The following CAMK1D variants were observed in gnomAD, a reference collection of about 807,000 sequenced individuals.
CAMK1D encodes calcium/calmodulin dependent protein kinase ID, also known as calcium/calmodulin-dependent protein kinase type 1D.
In CAMK1D, 9 loss-of-function variants were observed where a neutral mutation model predicts 47.7. The observed-to-expected ratio is 0.19, with a 90% CI of 0.11 to 0.33. The LOEUF is 0.33. Among genes scored for constraint, CAMK1D ranks in the 10% least tolerant of loss-of-function variants. The pLI is 1.00. For missense variants in CAMK1D, 291 were observed against 488.7 expected, an observed-to-expected ratio of 0.60 and a Z score of 3.81; for synonymous variants, 184 against 184.9, an observed-to-expected ratio of 0.99 and a Z score of 0.04.
chr10:12,591,753 G>C (rs549664237), intron 2 of CAMK1D, among the ~76,000 whole-genome samples: 2 of 152,322 alleles, frequency 1.3e-5, no homozygotes, highest in South Asian at 4.1e-4. Flanking sequence ...GAGTGCAATG[G>C]CGCGATCTCG....
At position 12,623,071 on chromosome 10, in the gene CAMK1D, C is replaced by CCCTT. The variant is rs1236617001; in HGVS notation, c.225-43653_225-43650dup. Among the ~76,000 whole-genome samples the CCCTT allele has an allele frequency of 1.9e-3, 195 of 105,066 alleles. 2 individuals are homozygous for CCCTT. The East Asian group carries it at 0.025, about 14-fold the overall frequency. 68.9% of individuals were successfully genotyped at this position (105,066 alleles called of 152,430 possible). On this transcript the variant is annotated intron_variant, in intron 2 of 10. Transcript: ENST00000619168. ...TCCCTCCCTCCCTCCCTCCCTTCCT[C>CCCTT]CCTTCCTTCCTTCCTCCCTCCCTTC...
At chr10:12,772,414 G>T (rs1015164911) in intron 5 of CAMK1D, among the ~76,000 whole-genome samples, 1 of 152,192 alleles carries the variant, frequency 6.6e-6, no homozygotes, top group Non-Finnish European at 1.5e-5. Context: ...TTCCCTTCAG[G>T]AAGTTGACCC....
chr10:12,644,089 C>T (rs570862299), intron 2 of CAMK1D, among the ~76,000 whole-genome samples: 25 of 152,108 alleles, frequency 1.6e-4, no homozygotes, highest in Middle Eastern at 3.4e-3. Context: ...GAAATCATCC[C>T]GAAACCATCT....
At chr10:12,430,675 G>A (rs1474870978) in intron 1 of CAMK1D, among the ~76,000 whole-genome samples, 1 of 152,136 alleles carries the variant, frequency 6.6e-6, no homozygotes, top group Non-Finnish European at 1.5e-5. Context: ...GCCGAGTATT[G>A]GATATGTCTC....
intron 1 of CAMK1D, among the ~76,000 whole-genome samples, chr10:12,549,454 A>G (rs1030084397): frequency 1.1e-4 from 17 of 152,292 alleles, no homozygotes; most frequent in South Asian, 4.1e-4. Flanking sequence ...TTGTCCCCCA[A>G]TGGATGCAAG....
At chr10:12,417,652 A>G (rs545832875) in intron 1 of CAMK1D, among the ~76,000 whole-genome samples, 3 of 152,252 alleles carry the variant, frequency 2.0e-5, no homozygotes, top group African/African-American at 7.2e-5. Context: ...TCCTTCAGAA[A>G]TGAGGGCTGG....
At chr10:12,660,692 T>C (rs969249579) in intron 2 of CAMK1D, among the ~76,000 whole-genome samples, 12 of 152,236 alleles carry the variant, frequency 7.9e-5, no homozygotes, top group African/African-American at 2.9e-4. Context: ...ATAAACCATT[T>C]TCTCTCTGTA....
At chr10:12,792,821 G>A (rs1192857100) in intron 6 of CAMK1D, among the ~76,000 whole-genome samples, 1 of 152,170 alleles carries the variant, frequency 6.6e-6, no homozygotes, top group Non-Finnish European at 1.5e-5. Context: ...CTAACATATT[G>A]CACTTACAGA....
At chr10:12,675,867 A>T (rs1342872257) in intron 3 of CAMK1D, among the ~76,000 whole-genome samples, 1 of 152,100 alleles carries the variant, frequency 6.6e-6, no homozygotes, top group Non-Finnish European at 1.5e-5. Context: ...TTCCTCAAAC[A>T]TACCAGGCCA....
chr10:12,675,695 C>T (rs191771819), intron 3 of CAMK1D, among the ~76,000 whole-genome samples: 16 of 152,294 alleles, frequency 1.1e-4, no homozygotes, highest in Admixed American at 2.6e-4. Context: ...GATCTTATCA[C>T]GCCTTTGTTG....
intron 3 of CAMK1D, among the ~76,000 whole-genome samples, chr10:12,716,563 C>A (rs767479225): frequency 2.6e-5 from 4 of 152,006 alleles, no homozygotes; most frequent in Admixed American, 1.3e-4. Context: ...AAGTATGTGC[C>A]GTGTCATGAG....
At chr10:12,355,915 G>C (rs1027136973) in intron 1 of CAMK1D, among the ~76,000 whole-genome samples, 3 of 152,184 alleles carry the variant, frequency 2.0e-5, no homozygotes, top group African/African-American at 7.2e-5. Context: ...CAGGAACCAA[G>C]AGCCAAAGGG....
intron 1 of CAMK1D, among the ~76,000 whole-genome samples, chr10:12,432,929 C>T (rs1248245048): frequency 6.6e-6 from 1 of 152,218 alleles, no homozygotes; most frequent in Non-Finnish European, 1.5e-5. Flanking sequence ...TTGGGAGAGT[C>T]ATGTACAAGG....
chr10:12,418,478 T>C (rs994703210), intron 1 of CAMK1D, among the ~76,000 whole-genome samples: 2 of 152,120 alleles, frequency 1.3e-5, no homozygotes, highest in Non-Finnish European at 2.9e-5. Context: ...CACCGTGGCA[T>C]ATGCCTGTAG....
intron 6 of CAMK1D, among the ~76,000 whole-genome samples, chr10:12,807,789 C>T (rs1838801900): frequency 6.6e-6 from 1 of 152,234 alleles, no homozygotes; most frequent in Non-Finnish European, 1.5e-5. Flanking sequence ...GTCCGTTCCT[C>T]CGTCCAGCTC....
chr10:12,606,553 A>G (rs1838467305), intron 2 of CAMK1D, among the ~76,000 whole-genome samples: 1 of 152,180 alleles, frequency 6.6e-6, no homozygotes, highest in South Asian at 2.1e-4. Context: ...TTTGGGAAGG[A>G]CATTTGAAAC....
chr10:12,518,724 C>G (rs1181867339), intron 1 of CAMK1D, among the ~76,000 whole-genome samples: 1 of 93,314 alleles, frequency 1.1e-5, no homozygotes, highest in Non-Finnish European at 2.3e-5. Context: ...ATCTGTTTAA[C>G]AAAGCACATC....
At chr10:12,496,647 G>A (rs1834548002) in intron 1 of CAMK1D, among the ~76,000 whole-genome samples, 1 of 152,218 alleles carries the variant, frequency 6.6e-6, no homozygotes, top group African/African-American at 2.4e-5. Flanking sequence ...GAACAGCTTG[G>A]AGTCTCTGTG....
intron 1 of CAMK1D, among the ~76,000 whole-genome samples, chr10:12,371,409 T>C (rs1838002537): frequency 6.6e-6 from 1 of 151,598 alleles, no homozygotes; most frequent in Non-Finnish European, 1.5e-5. Flanking sequence ...ATCCCGTCTC[T>C]ACTAAAAATA....
Sources: allele counts gnomAD v4.1 joint callset (sites outside exome capture counted in the v4.1 genomes callset), GRCh38; gene constraint gnomAD v4.1.1; transcripts MANE v1.5; gene names NCBI Gene and HGNC (gene_info 2026-07-23, HGNC 2026-07-21).